LEPR: variants seen among roughly 807,000 people sequenced by gnomAD.
LEPR encodes OB receptor.
LEPR carries 56 observed loss-of-function variants against 114.7 expected under a neutral mutation model. The observed-to-expected ratio is 0.49, with a 90% CI of 0.39 to 0.61. The LOEUF (loss-of-function observed/expected upper bound fraction) is 0.61, where lower values mean the gene tolerates loss of function less well. LEPR is among the 20% of genes least tolerant of loss of function. The probability of loss-of-function intolerance (pLI) is 0.00; values close to 1 mark genes in which losing one functional copy is unlikely to be tolerated. For missense variants in LEPR, 1,202 were observed against 1,352.9 expected (o/e 0.89, Z 1.75); for synonymous variants, 443 against 461.4 (o/e 0.96, Z 0.51).
At chr1:65,503,845 C>A (rs1648587990) in intron 2 of LEPR, among the ~76,000 whole-genome samples, 1 of 151,322 alleles carries the variant, frequency 6.6e-6, no homozygotes, top group South Asian at 2.1e-4. Context: ...TTTGCTCTGT[C>A]AGCTGAAGAG....
At chr1:65,421,008 C>A (rs1646237154) in intron 1 of LEPR, among the ~76,000 whole-genome samples, 1 of 152,170 alleles carries the variant, frequency 6.6e-6, no homozygotes, top group East Asian at 1.9e-4. Flanking sequence ...CCTGAGCCCT[C>A]GGCGAGAGCG....
chr1:65,613,535 C>T (rs1200297771), intron 14 of LEPR, among the ~76,000 whole-genome samples: 5 of 98,158 alleles, frequency 5.1e-5, no homozygotes, highest in Non-Finnish European at 1.1e-4. Context: ...GGGTGGATCA[C>T]GAGGTCAGGA....
At chr1:65,551,600 T>C (rs1570673814) in intron 2 of LEPR, among the ~76,000 whole-genome samples, 1 of 152,190 alleles carries the variant, frequency 6.6e-6, no homozygotes, top group Admixed American at 6.5e-5. Context: ...TCTTCTCTCT[T>C]TTCTTCTTTA....
chr1:65,510,668 C>G (rs766044027), intron 2 of LEPR, among the ~76,000 whole-genome samples: 1 of 152,048 alleles, frequency 6.6e-6, no homozygotes, highest in East Asian at 1.9e-4. Context: ...ATCTCAAAAG[C>G]GCAGACTAGG....
chr1:65,520,367 C>A (rs780338868), intron 2 of LEPR, among the ~76,000 whole-genome samples: 2 of 152,106 alleles, frequency 1.3e-5, no homozygotes, highest in Non-Finnish European at 2.9e-5. Context: ...GATAACTTTG[C>A]CAAGAAATAT....
chr1:65,477,237 T>A (rs1647169594), intron 2 of LEPR, among the ~76,000 whole-genome samples: 1 of 152,224 alleles, frequency 6.6e-6, no homozygotes, highest in Non-Finnish European at 1.5e-5. Context: ...AATTACTTTT[T>A]AATTTACTTT....
chr1:65,469,531 G>A (rs1009462101), intron 2 of LEPR, among the ~76,000 whole-genome samples: 1 of 152,170 alleles, frequency 6.6e-6, no homozygotes, highest in Non-Finnish European at 1.5e-5. Context: ...TCTCTTGAAG[G>A]AGTACAGGGC....
chr1:65,453,845 T>C (rs1259189229), intron 2 of LEPR, among the ~76,000 whole-genome samples: 1 of 151,838 alleles, frequency 6.6e-6, no homozygotes, highest in Non-Finnish European at 1.5e-5. Flanking sequence ...CTTGTTGACT[T>C]TCTGTCTCGT....
At chr1:65,432,186 G>A (rs7883) in intron 2 of LEPR, 65,193 of 1,110,814 alleles carry the variant, frequency 0.059, 4,451 homozygotes, top group African/African-American at 0.33. Context: ...ATATATTAAC[G>A]CAGTCTTGTA....
chr1:65,600,446 G>A (rs774207919), intron 8 of LEPR, among the ~76,000 whole-genome samples: 10 of 152,062 alleles, frequency 6.6e-5, no homozygotes, highest in Non-Finnish European at 1.2e-4. Flanking sequence ...ACAGAATAAA[G>A]AAAACTTAAT....
chr1:65,623,232 T>C, intron 19 of LEPR: 2 of 390,288 alleles, frequency 5.1e-6, no homozygotes, highest in Non-Finnish European at 4.6e-6. Context: ...TGTGTCACAG[T>C]ACATAATAAA....
intron 5 of LEPR, chr1:65,577,619 G>A (rs143805200): frequency 1.5e-4 from 27 of 181,132 alleles, no homozygotes; most frequent in African/African-American, 5.8e-4. Flanking sequence ...TCCTGAGCAC[G>A]TTAATTAAAA....
At chr1:65,581,055 C>T (rs1654948163) in intron 5 of LEPR, among the ~76,000 whole-genome samples, 1 of 152,162 alleles carries the variant, frequency 6.6e-6, no homozygotes, top group African/African-American at 2.4e-5. Context: ...ACAATTACTC[C>T]TGCCAGCATT....
chr1:65,635,289 CT>C lies in LEPR; in HGVS notation c.2674-895del, dbSNP rs536753887. On this transcript the variant is annotated intron_variant, in intron 19 of 19. Coordinates refer to ENST00000349533, the MANE Select transcript of LEPR (RefSeq NM_002303.6). ...ATTTTTCAAGGTGATGTATCAACAG[CT>C]TTTTTTATTTTGCATTTGTTTTTTC... 193 of 979,012 alleles carry C rather than the reference CT, an allele frequency of 2.0e-4. 3 individuals are homozygous for C. In the South Asian group the frequency reaches 8.0e-3, roughly 41 times the overall value. 60.6% of individuals were successfully genotyped at this position (979,012 alleles called of 1,614,324 possible). A position where few individuals can be genotyped will look rare whatever the true frequency, so the allele number is the denominator to read the frequency against.
intron 2 of LEPR, among the ~76,000 whole-genome samples, chr1:65,467,669 T>C (rs1647032145): frequency 6.6e-6 from 1 of 152,206 alleles, no homozygotes; most frequent in South Asian, 2.1e-4. Flanking sequence ...CAGTGAGCCT[T>C]GCCGTGCTGC....
intron 1 of LEPR, among the ~76,000 whole-genome samples, chr1:65,423,374 GA>G (rs565824302): frequency 1.3e-5 from 2 of 151,526 alleles, no homozygotes; most frequent in African/African-American, 4.9e-5. Context: ...GAAAAAAGAG[GA>G]AAAAAAAGAC....
chr1:65,443,831 A>C (rs1462771330), intron 2 of LEPR, among the ~76,000 whole-genome samples: 1 of 152,146 alleles, frequency 6.6e-6, no homozygotes, highest in Non-Finnish European at 1.5e-5. Context: ...GTAGATTTGC[A>C]TCTGTAGAGG....
At chr1:65,457,967 A>G (rs1646898471) in intron 2 of LEPR, among the ~76,000 whole-genome samples, 1 of 152,148 alleles carries the variant, frequency 6.6e-6, no homozygotes, top group African/African-American at 2.4e-5. Context: ...TCTTGAGTAC[A>G]CTTGAGTTAG....
chr1:65,445,075 T>A (rs897432728), intron 2 of LEPR, among the ~76,000 whole-genome samples: 5 of 152,162 alleles, frequency 3.3e-5, no homozygotes, highest in African/African-American at 1.2e-4. Context: ...TGGGACACTT[T>A]TGAGAGCAGA....
Sources: allele counts gnomAD v4.1 joint callset (sites outside exome capture counted in the v4.1 genomes callset), GRCh38; gene constraint gnomAD v4.1.1; transcripts MANE v1.5; gene names NCBI Gene and HGNC (gene_info 2026-07-23, HGNC 2026-07-21).